MYO3B: variants seen among roughly 807,000 people sequenced by gnomAD.
MYO3B encodes myosin IIIB.
MYO3B carries 156 observed loss-of-function variants against 174.6 expected under a neutral mutation model. The ratio of observed to expected loss-of-function variants is 0.89; its 90% CI spans 0.78 to 1.02. The LOEUF (loss-of-function observed/expected upper bound fraction) is 1.02, where lower values mean the gene tolerates loss of function less well. Ranked by LOEUF, MYO3B falls within the 50% of genes least tolerant of loss-of-function variation. The pLI is 0.00. For synonymous variants in MYO3B, 563 were observed against 569.1 expected (o/e 0.99, Z 0.15); for missense variants, 1,632 against 1,639.4 (o/e 1.00, Z 0.08).
At chr2:170,581,599 G>A (rs1276469036) in intron 32 of MYO3B, among the ~76,000 whole-genome samples, 2 of 151,518 alleles carry the variant, frequency 1.3e-5, no homozygotes, top group Admixed American at 1.3e-4. Context: ...TCACACATAG[G>A]TAATCACTCC....
chr2:170,569,043 T>C (rs1452747584), intron 32 of MYO3B, among the ~76,000 whole-genome samples: 1 of 152,086 alleles, frequency 6.6e-6, no homozygotes, highest in Non-Finnish European at 1.5e-5. Flanking sequence ...TGCCGGTGGG[T>C]AGGGGGAGAG....
intron 3 of MYO3B, among the ~76,000 whole-genome samples, chr2:170,202,095 G>A (rs542589279): frequency 1.3e-5 from 2 of 152,250 alleles, no homozygotes; most frequent in Admixed American, 1.3e-4. Context: ...TGGCAACTCA[G>A]GTATGGCCAA....
intron 7 of MYO3B, among the ~76,000 whole-genome samples, chr2:170,246,394 AC>A (rs1286361858): frequency 6.6e-6 from 1 of 152,100 alleles, no homozygotes; most frequent in Non-Finnish European, 1.5e-5. Flanking sequence ...TGAAGTTTTA[AC>A]CTCCAGTACT....
At chr2:170,412,577 C>T (rs371969132) in intron 22 of MYO3B, among the ~76,000 whole-genome samples, 1 of 152,156 alleles carries the variant, frequency 6.6e-6, no homozygotes, top group South Asian at 2.1e-4. Context: ...AGATGAGCCC[C>T]TACATTGTCA....
intron 28 of MYO3B, among the ~76,000 whole-genome samples, chr2:170,511,068 T>C (rs552551540): frequency 6.6e-6 from 1 of 151,452 alleles, no homozygotes; most frequent in Non-Finnish European, 1.5e-5. Flanking sequence ...TTTGTTTTTT[T>C]TTTTTTTTTG....
chr2:170,509,015 G>T (rs1345562908), intron 28 of MYO3B, among the ~76,000 whole-genome samples: 1 of 137,350 alleles, frequency 7.3e-6, no homozygotes, highest in African/African-American at 3.1e-5. Flanking sequence ...AACTTCACTG[G>T]GGGGGAAAAA....
At chr2:170,468,019 C>T (rs1348975531) in intron 25 of MYO3B, among the ~76,000 whole-genome samples, 2 of 152,012 alleles carry the variant, frequency 1.3e-5, no homozygotes, top group East Asian at 3.9e-4. Context: ...TTTAAGAAAA[C>T]AGGTCAAATG....
intron 32 of MYO3B, among the ~76,000 whole-genome samples, chr2:170,569,251 T>C (rs1357545313): frequency 6.6e-6 from 1 of 152,220 alleles, no homozygotes; most frequent in African/African-American, 2.4e-5. Flanking sequence ...CTTCCAAAAG[T>C]TGACTAAAGT....
At chr2:170,430,662 G>A (rs573161644) in intron 22 of MYO3B, among the ~76,000 whole-genome samples, 6 of 152,222 alleles carry the variant, frequency 3.9e-5, no homozygotes, top group East Asian at 3.9e-4. Context: ...GAGCCACCGC[G>A]CCTGGCCTAG....
chr2:170,497,537 A>G (rs1350699158), intron 25 of MYO3B, among the ~76,000 whole-genome samples: 2 of 152,138 alleles, frequency 1.3e-5, no homozygotes, highest in Non-Finnish European at 2.9e-5. Flanking sequence ...AGAATGGCGC[A>G]AACCCGGGAG....
At chr2:170,593,420 A>G (rs143307770) in intron 32 of MYO3B, among the ~76,000 whole-genome samples, 10 of 152,308 alleles carry the variant, frequency 6.6e-5, no homozygotes, top group African/African-American at 2.4e-4. Context: ...CATTTTATAA[A>G]TAAGAAAACC....
chr2:170,257,343 CAA>C (rs1312373747), intron 7 of MYO3B, among the ~76,000 whole-genome samples: 1 of 152,026 alleles, frequency 6.6e-6, no homozygotes, highest in African/African-American at 2.4e-5. Flanking sequence ...AGCTGTAAGA[CAA>C]GTCTCGATAA....
intron 7 of MYO3B, among the ~76,000 whole-genome samples, chr2:170,251,256 G>A (rs2093250156): frequency 6.6e-6 from 1 of 151,938 alleles, no homozygotes; most frequent in Admixed American, 6.6e-5. Flanking sequence ...TTATGTTAGA[G>A]TTCAGAGGAT....
At chr2:170,438,295 T>G (rs1274535245) in intron 22 of MYO3B, among the ~76,000 whole-genome samples, 2 of 152,196 alleles carry the variant, frequency 1.3e-5, no homozygotes, top group Non-Finnish European at 2.9e-5. Flanking sequence ...TTCAATTGTA[T>G]GTATATATCA....
At chr2:170,583,319 G>A (rs1693274950) in intron 32 of MYO3B, among the ~76,000 whole-genome samples, 1 of 152,114 alleles carries the variant, frequency 6.6e-6, no homozygotes, top group Non-Finnish European at 1.5e-5. Flanking sequence ...GCTCTCAGTG[G>A]TTCAGTCCTT....
intron 22 of MYO3B, among the ~76,000 whole-genome samples, chr2:170,440,307 ATCTG>A (rs2094789821): frequency 6.6e-6 from 1 of 152,090 alleles, no homozygotes. Context: ...TATTTTTTCT[ATCTG>A]CAAAAGATGC....
chr2:170,549,282 C>T (rs1359756108), intron 32 of MYO3B, among the ~76,000 whole-genome samples: 1 of 152,132 alleles, frequency 6.6e-6, no homozygotes, highest in East Asian at 1.9e-4. Flanking sequence ...ATACCTTAAT[C>T]ACGTTTCTTT....
rs1396304530 is a variant in MYO3B at position 170,178,253 on chromosome 2, T to G, written c.-35T>G. The G allele has an allele frequency of 6.2e-7, 1 of 1,613,880 alleles. No homozygotes were observed. The highest frequency in any genetic ancestry group is 8.5e-7 in the Non-Finnish European group (1 of 1,179,730). On this transcript the variant is annotated 5_prime_UTR_variant, in exon 1 of 35. Transcript: ENST00000408978. ...GGTTTTTGGAGGAATGAGAATCCAATCTCTCATAAGCCGGATTCAGAAAAT... is the reference window on the plus strand; with the variant it reads ...GGTTTTTGGAGGAATGAGAATCCAAGCTCTCATAAGCCGGATTCAGAAAAT...
At chr2:170,611,772 C>T (rs556188614) in intron 32 of MYO3B, among the ~76,000 whole-genome samples, 1 of 152,206 alleles carries the variant, frequency 6.6e-6, no homozygotes. Flanking sequence ...TCATAGGGAA[C>T]TTGTCAGTTT....
Sources: gnomAD v4.1 joint callset for allele counts (sites outside exome capture counted in the v4.1 genomes callset) on GRCh38, gnomAD v4.1.1 for gene constraint, MANE v1.5 for transcripts, NCBI Gene and HGNC (gene_info 2026-07-23, HGNC 2026-07-21) for gene names.